The following SPOCK3 variants were observed in gnomAD, a reference collection of about 807,000 sequenced individuals.
SPOCK3 encodes the protein SPARC (osteonectin), cwcv and kazal like domains proteoglycan 3, also known as testican-3.
SPOCK3 carries 30 observed loss-of-function variants against 56.6 expected under a neutral mutation model. The ratio of observed to expected loss-of-function variants is 0.53; its 90% CI spans 0.40 to 0.72. The LOEUF (loss-of-function observed/expected upper bound fraction) is 0.72, where lower values mean the gene tolerates loss of function less well. Among genes scored for constraint, SPOCK3 ranks in the 30% least tolerant of loss-of-function variants. SPOCK3 has a pLI of 0.00. For missense variants in SPOCK3, 527 were observed against 530.0 expected, an observed-to-expected ratio of 0.99 and a Z score of 0.06; for synonymous variants, 196 against 183.3, an observed-to-expected ratio of 1.07 and a Z score of -0.56.
chr4:166,782,756 G>A (rs1740312347), intron 7 of SPOCK3, among the ~76,000 whole-genome samples: 1 of 152,010 alleles, frequency 6.6e-6, no homozygotes, highest in Non-Finnish European at 1.5e-5. Flanking sequence ...ATAATTTATT[G>A]CCAGAATCTG....
At chr4:167,116,409 A>G (rs1174719283) in intron 2 of SPOCK3, among the ~76,000 whole-genome samples, 1 of 146,758 alleles carries the variant, frequency 6.8e-6, no homozygotes, top group African/African-American at 2.5e-5. Flanking sequence ...ATATATACAC[A>G]AAAGTATATA....
chr4:166,793,527 G>C (rs1226407155), intron 6 of SPOCK3, among the ~76,000 whole-genome samples: 1 of 152,176 alleles, frequency 6.6e-6, no homozygotes, highest in African/African-American at 2.4e-5. Context: ...AAGCTGTCCT[G>C]GGCCACATGT....
chr4:167,152,773 T>A (rs1473274792), intron 2 of SPOCK3, among the ~76,000 whole-genome samples: 1 of 152,198 alleles, frequency 6.6e-6, no homozygotes, highest in Non-Finnish European at 1.5e-5. Context: ...TCCAAAGTAG[T>A]AATCCACTCT....
At chr4:167,055,474 G>C (rs997753987) in intron 3 of SPOCK3, among the ~76,000 whole-genome samples, 1 of 152,140 alleles carries the variant, frequency 6.6e-6, no homozygotes, top group African/African-American at 2.4e-5. Flanking sequence ...GCAGCACACC[G>C]TGCGCGAGCC....
At chr4:167,210,952 AT>A (rs1734812935) in intron 2 of SPOCK3, among the ~76,000 whole-genome samples, 1 of 152,222 alleles carries the variant, frequency 6.6e-6, no homozygotes, top group African/African-American at 2.4e-5. Flanking sequence ...TTTGGAAAAC[AT>A]GCTTAATCTA....
At chr4:166,871,935 T>C (rs1732523752) in intron 6 of SPOCK3, among the ~76,000 whole-genome samples, 1 of 151,312 alleles carries the variant, frequency 6.6e-6, no homozygotes, top group Non-Finnish European at 1.5e-5. Context: ...AAATTGAGCA[T>C]ACCAATTGAG....
At chr4:167,083,933 GA>G (rs895254273) in intron 2 of SPOCK3, among the ~76,000 whole-genome samples, 6 of 152,132 alleles carry the variant, frequency 3.9e-5, no homozygotes, top group Admixed American at 3.3e-4. Flanking sequence ...TAGGCTAACT[GA>G]AAACTTTTTA....
At chr4:166,820,739 G>A (rs767380860) in intron 6 of SPOCK3, among the ~76,000 whole-genome samples, 7 of 151,972 alleles carry the variant, frequency 4.6e-5, no homozygotes, top group Non-Finnish European at 8.8e-5. Flanking sequence ...TGGGAGGATC[G>A]CTGGAGCCTG....
chr4:166,934,941 G>A, intron 4 of SPOCK3, among the ~76,000 whole-genome samples: 1 of 151,938 alleles, frequency 6.6e-6, no homozygotes. Flanking sequence ...TGAAGGAGGT[G>A]AAGGAAGAAT....
chr4:166,800,183 G>GAAAAAAA lies in SPOCK3; in HGVS notation c.590-7901_590-7895dup, dbSNP rs367811359. On this transcript the variant is annotated intron_variant, in intron 6 of 10. Transcript: ENST00000357545. ...GGCGACAGAGAGAGACTCCATCTCA[G>GAAAAAAA]AAAAAAAAAAAAAAAAAAAAAAATG... 4.8e-3 allele frequency among the ~76,000 whole-genome samples: 246 copies of GAAAAAAA among 51,768 alleles called. 17 individuals are homozygous for GAAAAAAA. Among genetic ancestry groups the GAAAAAAA allele is most frequent in the African/African-American group, 0.017 (220 of 12,640 alleles). 34.0% of individuals were successfully genotyped at this position (51,768 alleles called of 152,430 possible).
Position 167,017,647 on chromosome 4 carries a change from G to A in SPOCK3, c.236-17184C>T, listed in dbSNP as rs576305421. Among the ~76,000 whole-genome samples, 3 of 152,158 alleles carry A rather than the reference G, an allele frequency of 2.0e-5. No individual in the cohort carries two copies. In the South Asian group the frequency reaches 6.2e-4, roughly 32 times the overall value. ...CTTAACATCCAATGCAGATACCTGA[G>A]TTAAGAACATTTCTCTCACCATCTC... On this transcript the variant is annotated intron_variant, in intron 3 of 10. Coordinates refer to ENST00000357545, the MANE Select transcript of SPOCK3 (RefSeq NM_001040159.2).
intron 2 of SPOCK3, among the ~76,000 whole-genome samples, chr4:167,123,554 G>A (rs1371608689): frequency 6.6e-6 from 1 of 151,792 alleles, no homozygotes; most frequent in Non-Finnish European, 1.5e-5. Flanking sequence ...GCCATTATCT[G>A]TCTGTACCAA....
chr4:167,187,784 T>C (rs570941893), intron 2 of SPOCK3, among the ~76,000 whole-genome samples: 3 of 152,354 alleles, frequency 2.0e-5, no homozygotes, highest in Admixed American at 6.5e-5. Flanking sequence ...ATGAGTTATG[T>C]GCAGTGCTAC....
chr4:166,879,506 A>T (rs1467253339), intron 6 of SPOCK3, among the ~76,000 whole-genome samples: 1 of 152,008 alleles, frequency 6.6e-6, no homozygotes, highest in Non-Finnish European at 1.5e-5. Flanking sequence ...CTTTGTCTCT[A>T]AAAAAAAGTG....
chr4:166,824,723 T>C (rs1451322215), intron 6 of SPOCK3, among the ~76,000 whole-genome samples: 2 of 152,026 alleles, frequency 1.3e-5, no homozygotes, highest in Non-Finnish European at 2.9e-5. Context: ...AATAGAAAAA[T>C]AGAAAGAATC....
At chr4:167,231,159 T>G (rs568499617) in intron 2 of SPOCK3, among the ~76,000 whole-genome samples, 1 of 152,186 alleles carries the variant, frequency 6.6e-6, no homozygotes, top group East Asian at 1.9e-4. Context: ...GTAACATTTA[T>G]TTTTAAAATT....
At chr4:166,800,693 T>C (rs929808968) in intron 6 of SPOCK3, among the ~76,000 whole-genome samples, 1 of 152,068 alleles carries the variant, frequency 6.6e-6, no homozygotes, top group Non-Finnish European at 1.5e-5. Context: ...TTAAAGGAAA[T>C]ATACAGTATC....
chr4:167,001,169 C>G (rs181086600), intron 3 of SPOCK3, among the ~76,000 whole-genome samples: 16 of 152,236 alleles, frequency 1.1e-4, no homozygotes, highest in Admixed American at 1.0e-3. Flanking sequence ...AAGTTTACAA[C>G]CAATATTTTT....
chr4:166,911,986 C>T (rs1225158250), intron 5 of SPOCK3, among the ~76,000 whole-genome samples: 2 of 152,114 alleles, frequency 1.3e-5, no homozygotes, highest in African/African-American at 4.8e-5. Context: ...GAACTCCTTA[C>T]TTTCTGTTAC....
Sources: allele counts gnomAD v4.1 joint callset (sites outside exome capture counted in the v4.1 genomes callset), GRCh38; gene constraint gnomAD v4.1.1; transcripts MANE v1.5; gene names NCBI Gene and HGNC (gene_info 2026-07-23, HGNC 2026-07-21).